EMSY: variants seen among roughly 807,000 people sequenced by gnomAD.
EMSY encodes the protein EMSY transcriptional repressor, BRCA2 interacting.
In EMSY, 26 loss-of-function variants were observed where a neutral mutation model predicts 134.6. The observed-to-expected ratio is 0.19, with a 90% CI of 0.14 to 0.27. The LOEUF (loss-of-function observed/expected upper bound fraction) is 0.27. EMSY is among the 10% of genes least tolerant of loss of function. The pLI is 1.00. For synonymous variants in EMSY, 579 were observed against 577.8 expected (o/e 1.00, Z -0.03); for missense variants, 1,305 against 1,611.4 (o/e 0.81, Z 3.26).
intron 20 of EMSY, among the ~76,000 whole-genome samples, chr11:76,547,701 A>G (rs1951703343): frequency 1.3e-5 from 2 of 152,252 alleles, no homozygotes; most frequent in African/African-American, 4.8e-5. Flanking sequence ...TACCAAAATT[A>G]TCATGCCTAC....
rs984585557 is a variant in EMSY at position 76,518,679 on chromosome 11, G to A, written c.1684+2367G>A. ...ATTCGTTTGTATAAAGTGTGTGTGTGCGCGCATATATATATATATATATAT... is the reference window on the plus strand; with the variant it reads ...ATTCGTTTGTATAAAGTGTGTGTGTACGCGCATATATATATATATATATAT... On this transcript the variant is annotated intron_variant, in intron 11 of 20. Transcript: ENST00000334736. Among the ~76,000 whole-genome samples, 29 of 89,312 alleles carry A rather than the reference G, an allele frequency of 3.2e-4. 1 individual carries two copies. The highest frequency in any genetic ancestry group is 5.8e-4 in the Admixed American group (4 of 6,900). 58.6% of individuals were successfully genotyped at this position (89,312 alleles called of 152,430 possible).
chr11:76,547,906 G>A (rs756231068), intron 20 of EMSY, among the ~76,000 whole-genome samples: 1 of 152,230 alleles, frequency 6.6e-6, no homozygotes, highest in Non-Finnish European at 1.5e-5. Flanking sequence ...GGTGTGCTAT[G>A]TCAGAGGTAA....
intron 7 of EMSY, among the ~76,000 whole-genome samples, chr11:76,468,613 C>T (rs967691901): frequency 6.6e-6 from 1 of 152,162 alleles, no homozygotes; most frequent in South Asian, 2.1e-4. Context: ...CTGTATAAGG[C>T]AACTTAGGAA....
At chr11:76,515,635 G>T (rs941010440) in intron 10 of EMSY, among the ~76,000 whole-genome samples, 1 of 152,154 alleles carries the variant, frequency 6.6e-6, no homozygotes, top group African/African-American at 2.4e-5. Flanking sequence ...AAAGGTGGAC[G>T]TATATTTAGA....
intron 8 of EMSY, among the ~76,000 whole-genome samples, chr11:76,487,522 T>G (rs1949236869): frequency 6.6e-6 from 1 of 152,226 alleles, no homozygotes; most frequent in African/African-American, 2.4e-5. Flanking sequence ...TGTTAGATAC[T>G]TATGTGTAAG....
intron 3 of EMSY, 152 bp from the exon 4 acceptor site, chr11:76,453,162 T>G: frequency 2.0e-6 from 1 of 511,388 alleles, no homozygotes; most frequent in Non-Finnish European, 3.4e-6. Flanking sequence ...TTAAAGCATT[T>G]GAAGATATAT....
chr11:76,480,251 A>G (rs1472708933), intron 8 of EMSY, among the ~76,000 whole-genome samples: 1 of 152,238 alleles, frequency 6.6e-6, no homozygotes. Flanking sequence ...GGATGTGGTA[A>G]TGTAGGAGGC....
chr11:76,470,476 C>T (rs1270049455), intron 7 of EMSY, among the ~76,000 whole-genome samples: 1 of 152,050 alleles, frequency 6.6e-6, no homozygotes, highest in Non-Finnish European at 1.5e-5. Flanking sequence ...TTCTTGATTC[C>T]GTTCTTTTCC....
At chr11:76,506,980 T>G (rs1241447161) in intron 9 of EMSY, among the ~76,000 whole-genome samples, 1 of 152,000 alleles carries the variant, frequency 6.6e-6, no homozygotes, top group Non-Finnish European at 1.5e-5. Context: ...CTGGCGTACT[T>G]TATAGAGTTT....
intron 9 of EMSY, among the ~76,000 whole-genome samples, chr11:76,510,096 T>C (rs1430531930): frequency 1.3e-5 from 2 of 152,212 alleles, no homozygotes; most frequent in Admixed American, 1.3e-4. Context: ...GGCTCATGCC[T>C]GTAATCCCAG....
chr11:76,550,851 T>G (rs561604723), exon 21 of EMSY: 1 of 152,388 alleles, frequency 6.6e-6, no homozygotes, highest in African/African-American at 2.4e-5. Flanking sequence ...GTACTCCTTC[T>G]GACAAATTTC....
At chr11:76,528,603 T>TTTA in intron 14 of EMSY, 137 bp downstream of exon 15, 1 of 592,210 alleles carries the variant, frequency 1.7e-6, no homozygotes, top group Non-Finnish European at 2.8e-6. Flanking sequence ...TTTTTTTTTT[T>TTTA]ATTGTTTGAT....
intron 9 of EMSY, among the ~76,000 whole-genome samples, chr11:76,506,401 TA>T (rs779198674): frequency 3.7e-4 from 56 of 152,176 alleles, no homozygotes; most frequent in Non-Finnish European, 7.5e-4. Context: ...CAACTACATA[TA>T]AACAAATAGT....
chr11:76,541,960 T>C, intron 17 of EMSY: 1 of 601,458 alleles, frequency 1.7e-6, no homozygotes, highest in Non-Finnish European at 3.0e-6. Flanking sequence ...TGCTTCCGTA[T>C]ACATTTCTCA....
chr11:76,504,601 G>A (rs750014861), intron 9 of EMSY, among the ~76,000 whole-genome samples: 18 of 152,114 alleles, frequency 1.2e-4, no homozygotes, highest in Non-Finnish European at 2.2e-4. Flanking sequence ...TGGTACTGTT[G>A]CTTTGGAAAA....
At chr11:76,465,067 G>T (rs11236759) in intron 7 of EMSY, among the ~76,000 whole-genome samples, 1 of 151,998 alleles carries the variant, frequency 6.6e-6, no homozygotes, top group Non-Finnish European at 1.5e-5. Context: ...TTATTTCATC[G>T]ATTAGGTTGT....
At chr11:76,463,832 T>A (rs1381692681) in exon 7 of EMSY, 6 of 1,614,040 alleles carry the variant, frequency 3.7e-6, no homozygotes, top group African/African-American at 1.3e-5. Context: ...TGTAAGCTGT[T>A]CAGATGAAGA....
chr11:76,528,585 C>CAT, intron 14 of EMSY, 119 bp downstream of exon 15: 1 of 419,778 alleles, frequency 2.4e-6, no homozygotes, highest in Non-Finnish European at 4.0e-6. Context: ...AATTCTTTTC[C>CAT]TTTTTTTTTT....
chr11:76,491,109 C>T (rs1344672186), intron 8 of EMSY, among the ~76,000 whole-genome samples: 3 of 151,966 alleles, frequency 2.0e-5, no homozygotes, highest in Non-Finnish European at 4.4e-5. Context: ...AGGTGCTGTC[C>T]TCATTCCTTT....
Sources: allele counts gnomAD v4.1 joint callset (sites outside exome capture counted in the v4.1 genomes callset), GRCh38; gene constraint gnomAD v4.1.1; transcripts MANE v1.5; gene names NCBI Gene and HGNC (gene_info 2026-07-23, HGNC 2026-07-21).